ELAVL2: variants seen among roughly 807,000 people sequenced by gnomAD.
ELAVL2 encodes ELAV like RNA binding protein 2, also known as ELAV-like protein 2.
A neutral mutation model predicts 34.6 loss-of-function variants in ELAVL2; 4 were observed. The ratio of observed to expected loss-of-function variants is 0.12; its 90% CI spans 0.06 to 0.26. ELAVL2 has a LOEUF of 0.26. Ranked by LOEUF, ELAVL2 falls within the 10% of genes least tolerant of loss-of-function variation. The probability of loss-of-function intolerance (pLI) is 1.00; values close to 1 mark genes in which losing one functional copy is unlikely to be tolerated. For synonymous variants in ELAVL2, 193 were observed against 154.8 expected, an observed-to-expected ratio of 1.25 and a Z score of -1.83; for missense variants, 432 against 442.8, an observed-to-expected ratio of 0.98 and a Z score of 0.22.
intron 1 of ELAVL2, among the ~76,000 whole-genome samples, chr9:23,801,256 A>AT (rs1261983497): frequency 1.3e-5 from 2 of 152,338 alleles, no homozygotes; most frequent in Admixed American, 6.5e-5. Flanking sequence ...ATGTTTTAAA[A>AT]TAACATTTAA....
At chr9:23,805,023 T>A (rs2062036099) in intron 1 of ELAVL2, among the ~76,000 whole-genome samples, 1 of 152,024 alleles carries the variant, frequency 6.6e-6, no homozygotes, top group Non-Finnish European at 1.5e-5. Flanking sequence ...GGACAACAAA[T>A]AAATGCTGGG....
At chr9:23,809,539 T>A (rs1217718751) in intron 1 of ELAVL2, among the ~76,000 whole-genome samples, 3 of 152,204 alleles carry the variant, frequency 2.0e-5, no homozygotes, top group Non-Finnish European at 4.4e-5. Flanking sequence ...CTGTAGAGAT[T>A]GAAATTCTAG....
chr9:23,795,900 C>A (rs1459544700), intron 1 of ELAVL2, among the ~76,000 whole-genome samples: 1 of 152,158 alleles, frequency 6.6e-6, no homozygotes, highest in African/African-American at 2.4e-5. Flanking sequence ...CTCTTCACAG[C>A]CCGCTCTGCA....
At chr9:23,736,693 C>CT (rs1266921509) in intron 2 of ELAVL2, among the ~76,000 whole-genome samples, 1 of 152,164 alleles carries the variant, frequency 6.6e-6, no homozygotes, top group African/African-American at 2.4e-5. Context: ...CATTGGTTCT[C>CT]TATTATTCTG....
At position 23,692,358 on chromosome 9, in the gene ELAVL2, C is replaced by G. The variant is rs2033428047; in HGVS notation, c.*199G>C. ...AAACCCTGTACCTCTTGTCCATATT[C>G]AAACATAAAAGATATTTAAGAAGTT... On this transcript the variant is annotated 3_prime_UTR_variant, in exon 7 of 7. Transcript: ENST00000397312. The G allele has an allele frequency of 4.9e-6, 3 of 610,128 alleles. No individual in the cohort carries two copies. The highest frequency in any genetic ancestry group is 8.2e-6 in the Non-Finnish European group (3 of 364,090). The allele number at this position is 610,128 out of a possible 1,614,324, so 37.8% of individuals were successfully genotyped here.
chr9:23,767,379 A>G (rs758957998), intron 1 of ELAVL2, among the ~76,000 whole-genome samples: 1 of 152,222 alleles, frequency 6.6e-6, no homozygotes, highest in Non-Finnish European at 1.5e-5. Flanking sequence ...AAAGCAGTCT[A>G]TATTTTCTAA....
chr9:23,764,957 C>T, intron 1 of ELAVL2: 1 of 1,572,516 alleles, frequency 6.4e-7, no homozygotes, highest in Non-Finnish European at 8.7e-7. Flanking sequence ...CAGCACTCCT[C>T]CAACATGCTA....
chr9:23,692,911 C>G (rs777797527), intron 6 of ELAVL2, 27 bp from the exon 7 acceptor site: 1 of 1,591,908 alleles, frequency 6.3e-7, no homozygotes, highest in Non-Finnish European at 8.6e-7. Context: ...GAAATACACA[C>G]ATACACACAA....
chr9:23,751,254 A>G lies in ELAVL2; in HGVS notation c.229+10752T>C, dbSNP rs75874082. 3.2e-3 allele frequency among the ~76,000 whole-genome samples: 487 copies of G among 152,326 alleles called. 15 individuals carry two copies. In the East Asian group the frequency reaches 0.064, roughly 20 times the overall value. ...AAGTACAATGATGAGAAAAGAACTC[A>G]TTAAGAGCTAAAAATAAACTCTAAT... On this transcript the variant is annotated intron_variant, in intron 2 of 6. Coordinates refer to ENST00000397312, the MANE Select transcript of ELAVL2 (RefSeq NM_004432.5).
chr9:23,746,938 C>T (rs564505061), intron 2 of ELAVL2, among the ~76,000 whole-genome samples: 21 of 152,110 alleles, frequency 1.4e-4, no homozygotes, highest in African/African-American at 5.1e-4. Context: ...TTTACATCTT[C>T]GCTCAACAAA....
intron 3 of ELAVL2, among the ~76,000 whole-genome samples, chr9:23,730,773 G>A (rs954894774): frequency 3.3e-5 from 5 of 152,146 alleles, no homozygotes; most frequent in East Asian, 1.9e-4. Context: ...ACTTGATTCC[G>A]TAGGCTTCCT....
chr9:23,702,975 A>AAAAAAC, intron 4 of ELAVL2, among the ~76,000 whole-genome samples: 1 of 140,312 alleles, frequency 7.1e-6, no homozygotes, highest in Non-Finnish European at 1.6e-5. Context: ...AAAAAAAAAA[A>AAAAAAC]AAAAAACAGC....
At chr9:23,798,349 G>A (rs1050446849) in intron 1 of ELAVL2, among the ~76,000 whole-genome samples, 2 of 152,238 alleles carry the variant, frequency 1.3e-5, no homozygotes, top group Non-Finnish European at 1.5e-5. Context: ...GCCAGACTGC[G>A]TGAGTTCTAA....
Position 23,692,526 on chromosome 9 carries a change from CAT to C in ELAVL2, c.*29_*30del, listed in dbSNP as rs775027723. On this transcript the variant is annotated 3_prime_UTR_variant, in exon 7 of 7. Transcript: ENST00000397312. Reference sequence around the variant, plus strand: ...TAACTTGCCTTTGTTGTATAGTTTTCATATATAAATGGACTGAGGACAAGAGC... The same window carrying C: ...TAACTTGCCTTTGTTGTATAGTTTTCATATAAATGGACTGAGGACAAGAGC... 6.3e-7 allele frequency: 1 copy of C among 1,577,402 alleles called. No individual in the cohort carries two copies. The highest frequency in any genetic ancestry group is 8.6e-7 in the Non-Finnish European group (1 of 1,161,256).
At chr9:23,847,802 T>C in the ELAVL2 span, among the ~76,000 whole-genome samples, 1 of 152,112 alleles carries the variant, frequency 6.6e-6, no homozygotes, top group Admixed American at 6.5e-5. Context: ...AGTTTAAATA[T>C]TTTAAAGGCA....
intron 1 of ELAVL2, among the ~76,000 whole-genome samples, chr9:23,814,253 T>C (rs2063408054): frequency 6.6e-6 from 1 of 152,156 alleles, no homozygotes; most frequent in Admixed American, 6.5e-5. Flanking sequence ...TCACAGAAGA[T>C]ATTCTTCAGT....
chr9:23,737,918 C>T (rs781488775), intron 2 of ELAVL2, among the ~76,000 whole-genome samples: 1 of 152,058 alleles, frequency 6.6e-6, no homozygotes, highest in Non-Finnish European at 1.5e-5. Context: ...CATGCCTTAA[C>T]GACAAAAAAA....
intron 3 of ELAVL2, among the ~76,000 whole-genome samples, chr9:23,714,696 T>C (rs1463463871): frequency 6.6e-6 from 1 of 152,164 alleles, no homozygotes; most frequent in Non-Finnish European, 1.5e-5. Flanking sequence ...ATGAACTTCA[T>C]GGAATAACTT....
At position 23,701,536 on chromosome 9, in the gene ELAVL2, G is replaced by A; in HGVS notation, c.556C>T (p.Leu186=). 1 of 1,614,076 alleles carries A rather than the reference G, an allele frequency of 6.2e-7. No individual in the cohort carries two copies. The highest frequency in any genetic ancestry group is 8.5e-7 in the Non-Finnish European group (1 of 1,179,990). Residue 186 remains leucine (L), a synonymous_variant, in exon 5 of 7, where the codon CTA becomes TTA. Transcript: ENST00000397312. ...RIEAEEAIKG[L]NGQKPPGATE... Reference sequence around the variant, plus strand: ...GCACCGGGAGGTTTCTGGCCATTTAGGCCTTTGATAGCTTCTTCTGCCTCA... The same window carrying A: ...GCACCGGGAGGTTTCTGGCCATTTAAGCCTTTGATAGCTTCTTCTGCCTCA...
Sources: allele counts gnomAD v4.1 joint callset (sites outside exome capture counted in the v4.1 genomes callset), GRCh38; gene constraint gnomAD v4.1.1; transcripts MANE v1.5; gene names NCBI Gene and HGNC (gene_info 2026-07-23, HGNC 2026-07-21).